The following ANXA10 variants were observed in gnomAD, a reference collection of about 807,000 sequenced individuals.
ANXA10 encodes the protein annexin A10.
Under a neutral mutation model 53.5 loss-of-function variants are expected in ANXA10, and 49 were observed. The observed-to-expected ratio is 0.92, with a 90% CI of 0.73 to 1.16. The LOEUF (loss-of-function observed/expected upper bound fraction) is 1.16, where lower values mean the gene tolerates loss of function less well. Among genes scored for constraint, ANXA10 ranks in the 50% most tolerant of loss-of-function variants. The pLI, the probability that ANXA10 is intolerant of heterozygous loss-of-function variation, is 0.00. For missense variants in ANXA10, 393 were observed against 394.4 expected (o/e 1.00, Z 0.03); for synonymous variants, 131 against 128.9 (o/e 1.02, Z -0.11).
intron 1 of ANXA10, among the ~76,000 whole-genome samples, chr4:168,109,374 T>G (rs1579202951): frequency 6.6e-6 from 1 of 152,202 alleles, no homozygotes; most frequent in African/African-American, 2.4e-5. Context: ...TTTTAAATTA[T>G]CAAAATTCTC....
At chr4:168,132,041 C>T (rs770618838) in intron 2 of ANXA10, among the ~76,000 whole-genome samples, 1 of 151,922 alleles carries the variant, frequency 6.6e-6, no homozygotes, top group East Asian at 1.9e-4. Flanking sequence ...TACGTTAGTA[C>T]CACCACTATG....
intron 1 of ANXA10, among the ~76,000 whole-genome samples, chr4:168,093,233 CTA>C (rs1345037084): frequency 5.3e-5 from 8 of 151,964 alleles, no homozygotes; most frequent in Admixed American, 1.3e-4. Context: ...ATAATTTTGA[CTA>C]TTAATTTTAT....
chr4:168,117,748 T>C (rs1336981497), intron 1 of ANXA10, among the ~76,000 whole-genome samples: 3 of 152,214 alleles, frequency 2.0e-5, no homozygotes, highest in South Asian at 2.1e-4. Context: ...TATACATACA[T>C]TGAAGAAAGA....
chr4:168,100,473 A>G (rs1730621939), intron 1 of ANXA10, among the ~76,000 whole-genome samples: 1 of 151,970 alleles, frequency 6.6e-6, no homozygotes, highest in African/African-American at 2.4e-5. Flanking sequence ...TCCCTCCTTA[A>G]GCCTCTCATA....
At chr4:168,127,908 G>T in intron 1 of ANXA10, 176 bp from the exon 2 acceptor site, 1 of 361,674 alleles carries the variant, frequency 2.8e-6, no homozygotes. Context: ...ATTTTTTGTA[G>T]AGAGGGGGTT....
chr4:168,096,066 C>T (rs1303168259), intron 1 of ANXA10, among the ~76,000 whole-genome samples: 2 of 152,108 alleles, frequency 1.3e-5, no homozygotes, highest in East Asian at 3.8e-4. Flanking sequence ...CAGTGGATTA[C>T]ATGTAGTGAA....
intron 1 of ANXA10, among the ~76,000 whole-genome samples, chr4:168,100,682 C>T (rs2149464135): frequency 6.6e-6 from 1 of 152,120 alleles, no homozygotes; most frequent in South Asian, 2.1e-4. Context: ...AAGCTAAATT[C>T]AAACCAATGT....
intron 6 of ANXA10, among the ~76,000 whole-genome samples, chr4:168,174,237 TCC>T (rs1391055381): frequency 6.6e-6 from 1 of 152,154 alleles, no homozygotes; most frequent in Non-Finnish European, 1.5e-5. Flanking sequence ...GCTGCTTGGC[TCC>T]ACATGCCCCC....
chr4:168,145,447 A>G (rs1290944603), intron 3 of ANXA10, among the ~76,000 whole-genome samples: 3 of 152,154 alleles, frequency 2.0e-5, no homozygotes, highest in Non-Finnish European at 4.4e-5. Context: ...TTAAATTATA[A>G]CCTAAGTTCC....
At chr4:168,173,481 A>G (rs1732057012) in intron 6 of ANXA10, among the ~76,000 whole-genome samples, 1 of 152,212 alleles carries the variant, frequency 6.6e-6, no homozygotes, top group Admixed American at 6.5e-5. Context: ...AATAGCTGCT[A>G]TATTGAGAAA....
chr4:168,130,415 G>A (rs973172844), intron 2 of ANXA10, among the ~76,000 whole-genome samples: 6 of 152,048 alleles, frequency 3.9e-5, no homozygotes, highest in African/African-American at 1.4e-4. Context: ...CATGAGAAAT[G>A]TTGGTCAGTA....
intron 3 of ANXA10, among the ~76,000 whole-genome samples, chr4:168,155,721 A>ATCATATATGATATATT (rs1249804767): frequency 1.7e-5 from 1 of 57,534 alleles, no homozygotes. Flanking sequence ...AATATTATAT[A>ATCATATATGATATATT]ATATAATATA....
At position 168,179,275 on chromosome 4, in the gene ANXA10, T is replaced by C. The variant is rs200616323; in HGVS notation, c.687T>C (p.Cys229=). The change falls in exon 9 of 12, where the codon TGT becomes TGC. Residue 229 remains cysteine, a synonymous_variant. Transcript: ENST00000359299. ...GQDMVDAINE[C]YDGYFQELLV... is the part of the protein sequence containing the mutation. ...ATATGGTAGATGCCATTAATGAATGTTATGATGGATACTTTCAGGAGCTGC... is the reference window on the plus strand; with the variant it reads ...ATATGGTAGATGCCATTAATGAATGCTATGATGGATACTTTCAGGAGCTGC... 1 of 1,611,986 alleles carries C rather than the reference T, an allele frequency of 6.2e-7. No homozygotes were observed. The highest frequency in any genetic ancestry group is 8.5e-7 in the Non-Finnish European group (1 of 1,179,080).
intron 3 of ANXA10, among the ~76,000 whole-genome samples, chr4:168,147,917 T>C (rs1046414776): frequency 6.6e-6 from 1 of 152,178 alleles, no homozygotes; most frequent in Non-Finnish European, 1.5e-5. Context: ...TCAGGGGACA[T>C]GAGGGAGACA....
intron 3 of ANXA10, among the ~76,000 whole-genome samples, chr4:168,144,315 T>C (rs886370127): frequency 2.0e-5 from 3 of 152,186 alleles, no homozygotes; most frequent in Non-Finnish European, 2.9e-5. Flanking sequence ...GCCTCCCAAG[T>C]AGCTGAGATT....
At chr4:168,114,685 C>T (rs1402355140) in intron 1 of ANXA10, among the ~76,000 whole-genome samples, 1 of 152,136 alleles carries the variant, frequency 6.6e-6, no homozygotes, top group Non-Finnish European at 1.5e-5. Context: ...TGTTCTCCCT[C>T]TATGTGTCCA....
intron 8 of ANXA10, 31 bp downstream of exon 8, chr4:168,178,014 C>G (rs1439875349): frequency 6.3e-7 from 1 of 1,589,504 alleles, no homozygotes. Flanking sequence ...GTTCCAGCTA[C>G]TTGACCAATT....
chr4:168,159,811 G>T (rs1466220506), intron 3 of ANXA10, among the ~76,000 whole-genome samples: 1 of 152,112 alleles, frequency 6.6e-6, no homozygotes, highest in Non-Finnish European at 1.5e-5. Flanking sequence ...AATCCACAGT[G>T]TATGAAAGGT....
intron 10 of ANXA10, among the ~76,000 whole-genome samples, chr4:168,183,439 A>G (rs1385687042): frequency 6.6e-6 from 1 of 152,230 alleles, no homozygotes; most frequent in Non-Finnish European, 1.5e-5. Context: ...TTCTCAAAGA[A>G]CCAACCACTA....
Sources: allele counts gnomAD v4.1 joint callset (sites outside exome capture counted in the v4.1 genomes callset), GRCh38; gene constraint gnomAD v4.1.1; transcripts MANE v1.5; gene names NCBI Gene and HGNC (gene_info 2026-07-23, HGNC 2026-07-21).